Variants in CAMKMT observed in about 807,000 individuals in gnomAD.
CAMKMT encodes the protein CaM KMT.
Under a neutral mutation model 48.0 loss-of-function variants are expected in CAMKMT, and 53 were observed. The ratio of observed to expected loss-of-function variants is 1.10; its 90% CI spans 0.89 to 1.39. The LOEUF is 1.39. CAMKMT is among the 40% of genes most tolerant of loss of function. The pLI is 0.00. For missense variants in CAMKMT, 428 were observed against 402.7 expected, an observed-to-expected ratio of 1.06 and a Z score of -0.54; for synonymous variants, 165 against 152.3, an observed-to-expected ratio of 1.08 and a Z score of -0.61.
At chr2:44,521,498 C>G (rs1277418174) in intron 3 of CAMKMT, among the ~76,000 whole-genome samples, 1 of 152,162 alleles carries the variant, frequency 6.6e-6, no homozygotes, top group Non-Finnish European at 1.5e-5. Flanking sequence ...CCAGGATGGT[C>G]TCAATCCCCT....
Position 44,707,707 on chromosome 2 carries a change from G to A in CAMKMT, c.556+245G>A, listed in dbSNP as rs144685574. 8.8e-4 allele frequency among the ~76,000 whole-genome samples: 134 copies of A among 152,056 alleles called. 1 individual carries two copies. The highest frequency in any genetic ancestry group is 1.0e-4 in the Non-Finnish European group (7 of 67,968). On this transcript the variant is annotated intron_variant, in intron 6 of 10. Coordinates refer to ENST00000378494, the MANE Select transcript of CAMKMT (RefSeq NM_024766.5). ...AGGAGCCTATTTTTGTGGACCTCCC[G>A]AGGCAATAAGAAAATTTGTTTCATA...
intron 3 of CAMKMT, among the ~76,000 whole-genome samples, chr2:44,521,237 T>C (rs1384052913): frequency 6.6e-6 from 1 of 152,186 alleles, no homozygotes; most frequent in Non-Finnish European, 1.5e-5. Context: ...TTACAATTTA[T>C]CTCTTTTATT....
chr2:44,669,617 T>C (rs1234529538), intron 3 of CAMKMT, among the ~76,000 whole-genome samples: 1 of 152,188 alleles, frequency 6.6e-6, no homozygotes, highest in East Asian at 1.9e-4. Context: ...CGTTAAGTAA[T>C]GGCATCTCAT....
chr2:44,427,019 A>G (rs895784332), intron 3 of CAMKMT, among the ~76,000 whole-genome samples: 4 of 152,190 alleles, frequency 2.6e-5, no homozygotes. Context: ...ATAAAGCCAT[A>G]TACCTACAAC....
intron 7 of CAMKMT, among the ~76,000 whole-genome samples, chr2:44,717,332 C>G (rs538689370): frequency 6.6e-6 from 1 of 152,074 alleles, no homozygotes; most frequent in Non-Finnish European, 1.5e-5. Context: ...TACTAAAGCA[C>G]TTTCTAGTGA....
chr2:44,546,700 C>T (rs994606215), intron 3 of CAMKMT, among the ~76,000 whole-genome samples: 48 of 152,332 alleles, frequency 3.2e-4, no homozygotes, highest in African/African-American at 1.1e-3. Context: ...CCTCTCTTTT[C>T]ACTTAGCATA....
intron 7 of CAMKMT, among the ~76,000 whole-genome samples, chr2:44,730,897 A>G (rs1018661521): frequency 2.0e-5 from 3 of 152,250 alleles, no homozygotes; most frequent in Non-Finnish European, 2.9e-5. Flanking sequence ...TGCCTATAAT[A>G]GCCATACAAA....
intron 3 of CAMKMT, among the ~76,000 whole-genome samples, chr2:44,418,136 G>A (rs1189190320): frequency 6.7e-6 from 1 of 149,202 alleles, no homozygotes; most frequent in Non-Finnish European, 1.5e-5. Context: ...AGGTTGCAGT[G>A]AGCCAAGATC....
intron 1 of CAMKMT, among the ~76,000 whole-genome samples, chr2:44,367,211 T>C (rs1678690662): frequency 6.6e-6 from 1 of 152,168 alleles, no homozygotes; most frequent in Admixed American, 6.5e-5. Flanking sequence ...ATCCCAAATG[T>C]CAGTATCTAC....
At chr2:44,661,506 G>A (rs1338903239) in intron 3 of CAMKMT, among the ~76,000 whole-genome samples, 1 of 151,900 alleles carries the variant, frequency 6.6e-6, no homozygotes, top group Non-Finnish European at 1.5e-5. Context: ...AGTAGAGAAA[G>A]GGTTTCACCA....
At chr2:44,494,037 A>G (rs1669639668) in intron 3 of CAMKMT, among the ~76,000 whole-genome samples, 1 of 152,178 alleles carries the variant, frequency 6.6e-6, no homozygotes, top group African/African-American at 2.4e-5. Context: ...CAAACAACAT[A>G]TGTTTTAACT....
Position 44,504,571 on chromosome 2 carries a change from T to C in CAMKMT, c.376+114266T>C, listed in dbSNP as rs2104750569. ...GGGTTTGTTCAATTTCCTATGCCTC[T>C]TACAAGGGCAGAATTGAGGTGGGGC... On this transcript the variant is annotated intron_variant, in intron 3 of 10. Coordinates refer to ENST00000378494, the MANE Select transcript of CAMKMT (RefSeq NM_024766.5). 1.3e-5 allele frequency among the ~76,000 whole-genome samples: 2 copies of C among 152,296 alleles called. 1 individual carries two copies. The highest frequency in any genetic ancestry group is 4.1e-4 in the South Asian group (2 of 4,820).
intron 3 of CAMKMT, among the ~76,000 whole-genome samples, chr2:44,496,419 T>C (rs1669755427): frequency 6.6e-6 from 1 of 152,210 alleles, no homozygotes; most frequent in Non-Finnish European, 1.5e-5. Context: ...ATTATGTATT[T>C]GTAAGTAGAG....
chr2:44,570,900 A>G (rs1457495014), intron 3 of CAMKMT, among the ~76,000 whole-genome samples: 2 of 152,168 alleles, frequency 1.3e-5, no homozygotes, highest in African/African-American at 4.8e-5. Flanking sequence ...TTAGCTTCAA[A>G]AGACAGTCGA....
At chr2:44,555,855 A>T (rs1369059908) in intron 3 of CAMKMT, among the ~76,000 whole-genome samples, 3 of 152,132 alleles carry the variant, frequency 2.0e-5, no homozygotes, top group African/African-American at 7.2e-5. Flanking sequence ...TTTGGTTAGG[A>T]TGGGGACAGA....
intron 3 of CAMKMT, among the ~76,000 whole-genome samples, chr2:44,461,448 A>G (rs990186185): frequency 6.6e-6 from 1 of 152,200 alleles, no homozygotes; most frequent in African/African-American, 2.4e-5. Context: ...GTGAGGTGGG[A>G]TTAAAACCTA....
chr2:44,642,463 C>T (rs772061300), intron 3 of CAMKMT, among the ~76,000 whole-genome samples: 3 of 152,314 alleles, frequency 2.0e-5, no homozygotes, highest in African/African-American at 4.8e-5. Context: ...TGCGGCTGAA[C>T]GGGGCACAGG....
At chr2:44,425,188 T>C (rs1684199283) in intron 3 of CAMKMT, among the ~76,000 whole-genome samples, 1 of 151,998 alleles carries the variant, frequency 6.6e-6, no homozygotes, top group Non-Finnish European at 1.5e-5. Context: ...TAATGAAAAA[T>C]AAAGCTATCT....
chr2:44,687,623 AAG>A (rs1299998665), intron 3 of CAMKMT, among the ~76,000 whole-genome samples: 1 of 152,248 alleles, frequency 6.6e-6, no homozygotes, highest in Non-Finnish European at 1.5e-5. Flanking sequence ...ATTTAAAAGA[AAG>A]AGAAATTGTT....
Sources: allele counts gnomAD v4.1 joint callset (sites outside exome capture counted in the v4.1 genomes callset), GRCh38; gene constraint gnomAD v4.1.1; transcripts MANE v1.5; gene names NCBI Gene and HGNC (gene_info 2026-07-23, HGNC 2026-07-21).